FMN1: variants seen among roughly 807,000 people sequenced by gnomAD.
FMN1 encodes the protein formin-1.
In FMN1, 110 loss-of-function variants were observed where a neutral mutation model predicts 132.4. The observed-to-expected ratio is 0.83, with a 90% confidence interval of 0.71 to 0.97. FMN1 has a LOEUF of 0.97. Among genes scored for constraint, FMN1 ranks in the 50% least tolerant of loss-of-function variants. The probability of loss-of-function intolerance (pLI) is 0.00; values close to 1 mark genes in which losing one functional copy is unlikely to be tolerated. For synonymous variants in FMN1, 722 were observed against 651.7 expected, an observed-to-expected ratio of 1.11 and a Z score of -1.64; for missense variants, 1,792 against 1,705.3, an observed-to-expected ratio of 1.05 and a Z score of -0.90.
chr15:32,917,894 C>T (rs1423555786), intron 10 of FMN1, among the ~76,000 whole-genome samples: 1 of 152,174 alleles, frequency 6.6e-6, no homozygotes, highest in African/African-American at 2.4e-5. Flanking sequence ...GAGTGGGAAG[C>T]ACATACAGCC....
rs1343047344 is a variant in FMN1 at position 33,044,808 on chromosome 15, T to C, written c.2161+20149A>G. Among the ~76,000 whole-genome samples the C allele has an allele frequency of 2.0e-5, 3 of 152,342 alleles. No individual in the cohort carries two copies. In the East Asian group the frequency reaches 5.8e-4, roughly 29 times the overall value. On this transcript the variant is annotated intron_variant, in intron 6 of 20. Coordinates refer to ENST00000616417, the MANE Select transcript of FMN1 (RefSeq NM_001277313.2). ...AGCTGTACAGAGGAGCTACCCACTGTAGGTCTCCTCTGAGCTGCTCTATTG... is the reference window on the plus strand; with the variant it reads ...AGCTGTACAGAGGAGCTACCCACTGCAGGTCTCCTCTGAGCTGCTCTATTG...
At chr15:33,081,607 A>G (rs2038462950) in intron 5 of FMN1, among the ~76,000 whole-genome samples, 1 of 152,204 alleles carries the variant, frequency 6.6e-6, no homozygotes, top group African/African-American at 2.4e-5. Flanking sequence ...CCCATCCATT[A>G]AATGAATGTC....
chr15:33,014,599 A>G (rs2034931054), intron 6 of FMN1, among the ~76,000 whole-genome samples: 1 of 152,240 alleles, frequency 6.6e-6, no homozygotes, highest in South Asian at 2.1e-4. Context: ...AAAGACAGAG[A>G]AAGGAGTAAG....
At chr15:32,815,739 A>G (rs538197387) in intron 17 of FMN1, among the ~76,000 whole-genome samples, 3 of 152,214 alleles carry the variant, frequency 2.0e-5, no homozygotes, top group African/African-American at 7.2e-5. Flanking sequence ...AAAGTAGTCT[A>G]ATACAATGGC....
chr15:32,919,793 A>G (rs1014403894), intron 10 of FMN1, among the ~76,000 whole-genome samples: 1 of 152,218 alleles, frequency 6.6e-6, no homozygotes, highest in South Asian at 2.1e-4. Flanking sequence ...ATGCCTGGTC[A>G]AATTCATTAC....
chr15:33,036,982 C>T (rs1344028606), intron 6 of FMN1, among the ~76,000 whole-genome samples: 3 of 152,238 alleles, frequency 2.0e-5, no homozygotes, highest in African/African-American at 7.2e-5. Flanking sequence ...AGAATCCACC[C>T]TTCTAAGACA....
rs1318907243 is a variant in FMN1 at position 32,805,351 on chromosome 15, GGTT to G, written c.3929-1022_3929-1020del. ...ATATCCTTTGCCCACTTTTCGATGG[GGTT>G]GTTTTTTTCTTGTAAATTTGTTTTT... On this transcript the variant is annotated intron_variant, in intron 17 of 20. Transcript: ENST00000616417. Among the ~76,000 whole-genome samples the G allele has an allele frequency of 3.3e-5, 5 of 152,156 alleles. No individual in the cohort carries two copies. The South Asian group carries it at 8.3e-4, about 25-fold the overall frequency.
intron 5 of FMN1, chr15:33,068,115 G>C: frequency 8.9e-7 from 1 of 1,124,452 alleles, no homozygotes; most frequent in Non-Finnish European, 1.2e-6. Flanking sequence ...TGGAGTCTAT[G>C]CCCAGAAGCA....
At chr15:32,850,478 G>T (rs975324231) in intron 17 of FMN1, among the ~76,000 whole-genome samples, 2 of 152,150 alleles carry the variant, frequency 1.3e-5, no homozygotes, top group Non-Finnish European at 2.9e-5. Flanking sequence ...GACCAAAAAT[G>T]TACCTCTTCA....
chr15:32,834,324 G>A (rs1426810540), intron 17 of FMN1, among the ~76,000 whole-genome samples: 2 of 152,102 alleles, frequency 1.3e-5, no homozygotes, highest in Non-Finnish European at 2.9e-5. Flanking sequence ...CCTCTCACAT[G>A]GTGTGTGGAA....
intron 5 of FMN1, chr15:33,068,003 G>T: frequency 6.8e-7 from 1 of 1,459,870 alleles, no homozygotes; most frequent in African/African-American, 1.4e-5. Context: ...CCGGGAGTCA[G>T]GCTGTCAGCC....
intron 7 of FMN1, among the ~76,000 whole-genome samples, chr15:32,981,071 T>G (rs1345969336): frequency 6.6e-6 from 1 of 152,182 alleles, no homozygotes; most frequent in African/African-American, 2.4e-5. Flanking sequence ...CTCTTTTATT[T>G]TATTCAATTC....
chr15:32,989,428 AATG>A (rs1197324698), intron 7 of FMN1, among the ~76,000 whole-genome samples: 1 of 152,316 alleles, frequency 6.6e-6, no homozygotes, highest in Admixed American at 6.5e-5. Flanking sequence ...GCAAAGGTAA[AATG>A]ATGATTGTGA....
chr15:32,790,541 C>G (rs1461759574), intron 19 of FMN1, among the ~76,000 whole-genome samples: 1 of 152,186 alleles, frequency 6.6e-6, no homozygotes, highest in Non-Finnish European at 1.5e-5. Context: ...TATTCTGATT[C>G]AGTGGATCTG....
intron 4 of FMN1, among the ~76,000 whole-genome samples, chr15:33,120,669 A>T (rs1962466383): frequency 6.6e-6 from 1 of 152,094 alleles, no homozygotes; most frequent in Admixed American, 6.6e-5. Flanking sequence ...TTGGTGTGTC[A>T]GTTCATATAT....
intron 6 of FMN1, among the ~76,000 whole-genome samples, chr15:33,055,274 ATG>A (rs2037165562): frequency 6.6e-6 from 1 of 152,184 alleles, no homozygotes; most frequent in South Asian, 2.1e-4. Flanking sequence ...CAATCAAAAT[ATG>A]TTTAAACCTA....
At chr15:33,043,151 T>G (rs868438739) in intron 6 of FMN1, among the ~76,000 whole-genome samples, 1 of 152,204 alleles carries the variant, frequency 6.6e-6, no homozygotes, top group Non-Finnish European at 1.5e-5. Context: ...AATACCCTTT[T>G]GAGAAGCTGA....
chr15:33,039,857 GACT>G (rs778364387), intron 6 of FMN1, among the ~76,000 whole-genome samples: 3 of 152,006 alleles, frequency 2.0e-5, no homozygotes, highest in Non-Finnish European at 4.4e-5. Context: ...CTCTCCTCTG[GACT>G]ACTATTAGAA....
At chr15:33,092,603 C>G (rs2038943698) in intron 4 of FMN1, among the ~76,000 whole-genome samples, 1 of 152,154 alleles carries the variant, frequency 6.6e-6, no homozygotes, top group Admixed American at 6.5e-5. Context: ...GTCCCAGGCA[C>G]AGTCCTGCAA....
Sources: gnomAD v4.1 joint callset for allele counts (sites outside exome capture counted in the v4.1 genomes callset) on GRCh38, gnomAD v4.1.1 for gene constraint, MANE v1.5 for transcripts, NCBI Gene and HGNC (gene_info 2026-07-23, HGNC 2026-07-21) for gene names.